Variants in CDH18 observed in about 807,000 individuals in gnomAD.
CDH18 encodes cadherin 18, also known as cadherin-18.
In CDH18, 31 loss-of-function variants were observed where a neutral mutation model predicts 67.9. That is an observed-to-expected ratio of 0.46 (90% CI 0.34 to 0.62). The LOEUF (loss-of-function observed/expected upper bound fraction) is 0.62. Among genes scored for constraint, CDH18 ranks in the 20% least tolerant of loss-of-function variants. The pLI, the probability that CDH18 is intolerant of heterozygous loss-of-function variation, is 0.01. For missense variants in CDH18, 890 were observed against 975.5 expected (o/e 0.91, Z 1.17); for synonymous variants, 362 against 347.2 (o/e 1.04, Z -0.48).
At chr5:20,297,498 C>G (rs546708994) in intron 1 of CDH18, among the ~76,000 whole-genome samples, 1 of 151,940 alleles carries the variant, frequency 6.6e-6, no homozygotes, top group Non-Finnish European at 1.5e-5. Context: ...GCCTATGCAA[C>G]GAAAGAAACA....
At chr5:20,216,459 A>G (rs893658325) in intron 2 of CDH18, among the ~76,000 whole-genome samples, 4 of 152,020 alleles carry the variant, frequency 2.6e-5, no homozygotes, top group African/African-American at 9.7e-5. Context: ...ATTAATCTCC[A>G]TAAATAAAAG....
At chr5:19,599,706 T>C (rs351300) in intron 6 of CDH18, among the ~76,000 whole-genome samples, 1 of 151,798 alleles carries the variant, frequency 6.6e-6, no homozygotes, top group Non-Finnish European at 1.5e-5. Context: ...ATCGAGACCA[T>C]CCTGGCTAAC....
At chr5:20,463,404 G>A (rs1216342475) in intron 1 of CDH18, among the ~76,000 whole-genome samples, 8 of 152,024 alleles carry the variant, frequency 5.3e-5, no homozygotes, top group African/African-American at 1.2e-4. Flanking sequence ...AGAAATACCC[G>A]AGACTGGGTA....
intron 5 of CDH18, among the ~76,000 whole-genome samples, chr5:19,704,532 GA>G (rs1211210010): frequency 1.3e-5 from 2 of 152,050 alleles, no homozygotes; most frequent in Non-Finnish European, 2.9e-5. Context: ...ATGGGACGAG[GA>G]AAAAAATTGC....
chr5:20,396,038 A>G (rs913352922), intron 1 of CDH18, among the ~76,000 whole-genome samples: 2 of 152,210 alleles, frequency 1.3e-5, no homozygotes, highest in Non-Finnish European at 2.9e-5. Context: ...TTACATATAA[A>G]TAAGGCGTTT....
chr5:20,511,804 TAC>T (rs574257575), intron 1 of CDH18, among the ~76,000 whole-genome samples: 34 of 152,334 alleles, frequency 2.2e-4, no homozygotes, highest in African/African-American at 8.2e-4. Flanking sequence ...TTCATTCCTA[TAC>T]AGTGTTTTGT....
rs114805788 is a variant in CDH18, at chr5:19,489,794, T to A, written c.1631-6242A>T. Among the ~76,000 whole-genome samples the A allele has an allele frequency of 1.7e-3, 257 of 152,314 alleles. 2 individuals carry two copies. The highest frequency in any genetic ancestry group is 3.5e-3 in the African/African-American group (145 of 41,574). ...AGCACAAATACACATGAAACAACTA[T>A]GTGATTCTTGAAGAATATCAGGAAA... is the stretch of plus-strand genomic sequence containing the variant. On this transcript the variant is annotated intron_variant, in intron 11 of 12. Transcript: ENST00000382275.
intron 3 of CDH18, among the ~76,000 whole-genome samples, chr5:19,771,845 G>A (rs73761822): frequency 0.09 from 13,732 of 152,056 alleles, 1,425 homozygotes; most frequent in African/African-American, 0.24. Flanking sequence ...GGGCAGGAGT[G>A]TACCAATTAA....
intron 1 of CDH18, among the ~76,000 whole-genome samples, chr5:20,564,498 G>A (rs1581207572): frequency 6.6e-6 from 1 of 151,818 alleles, no homozygotes; most frequent in East Asian, 1.9e-4. Flanking sequence ...GTTGGGCCAG[G>A]CTGGTCTTGA....
At chr5:20,532,433 CTT>C (rs1228657131) in intron 1 of CDH18, among the ~76,000 whole-genome samples, 1 of 151,950 alleles carries the variant, frequency 6.6e-6, no homozygotes, top group Non-Finnish European at 1.5e-5. Flanking sequence ...CCAGAAATAT[CTT>C]TTTTTGTACT....
intron 2 of CDH18, among the ~76,000 whole-genome samples, chr5:19,848,509 T>A (rs1783265772): frequency 6.6e-6 from 1 of 152,120 alleles, no homozygotes. Context: ...AAATAATGTC[T>A]CCATGGGATG....
chr5:19,587,061 T>A (rs1337035776), intron 7 of CDH18, among the ~76,000 whole-genome samples: 1 of 152,142 alleles, frequency 6.6e-6, no homozygotes, highest in Non-Finnish European at 1.5e-5. Flanking sequence ...ATGAGGTTTT[T>A]TTTTTCTTGC....
At chr5:19,651,146 C>T (rs973851270) in intron 5 of CDH18, among the ~76,000 whole-genome samples, 2 of 151,976 alleles carry the variant, frequency 1.3e-5, no homozygotes, top group African/African-American at 4.8e-5. Context: ...TGTTATTTCT[C>T]AAACAAGTTA....
intron 1 of CDH18, among the ~76,000 whole-genome samples, chr5:20,487,881 T>A (rs981332996): frequency 6.6e-6 from 1 of 152,102 alleles, no homozygotes; most frequent in Admixed American, 6.6e-5. Context: ...TAGCCATGTT[T>A]AATTTTCTTA....
intron 2 of CDH18, among the ~76,000 whole-genome samples, chr5:20,189,819 G>A (rs1269720012): frequency 6.6e-6 from 1 of 152,108 alleles, no homozygotes; most frequent in African/African-American, 2.4e-5. Context: ...TGTCAACTAT[G>A]CCAGTTATTT....
At chr5:20,270,873 TA>T (rs1745387143) in intron 1 of CDH18, among the ~76,000 whole-genome samples, 3 of 152,070 alleles carry the variant, frequency 2.0e-5, no homozygotes, top group Non-Finnish European at 2.9e-5. Context: ...TAGCAACCTC[TA>T]ATGCAGGGAT....
chr5:20,476,505 A>G (rs939997479), intron 1 of CDH18, among the ~76,000 whole-genome samples: 1 of 152,126 alleles, frequency 6.6e-6, no homozygotes, highest in African/African-American at 2.4e-5. Context: ...AGTTTTGCTA[A>G]AGCCAATTGA....
intron 1 of CDH18, among the ~76,000 whole-genome samples, chr5:20,472,591 T>A (rs1202219116): frequency 6.6e-6 from 1 of 152,202 alleles, no homozygotes; most frequent in East Asian, 1.9e-4. Context: ...AGATTTAAGT[T>A]AATACAATCA....
intron 1 of CDH18, among the ~76,000 whole-genome samples, chr5:20,343,168 A>G (rs1033277905): frequency 1.3e-5 from 2 of 152,194 alleles, no homozygotes; most frequent in African/African-American, 4.8e-5. Flanking sequence ...TAGCTACCAT[A>G]ATGGATAGCA....
Sources: allele counts gnomAD v4.1 joint callset (sites outside exome capture counted in the v4.1 genomes callset), GRCh38; gene constraint gnomAD v4.1.1; transcripts MANE v1.5; gene names NCBI Gene and HGNC (gene_info 2026-07-23, HGNC 2026-07-21).